GRIK1: variants seen among roughly 807,000 people sequenced by gnomAD.
GRIK1 encodes glutamate ionotropic receptor kainate type subunit 1, also known as glutamate receptor ionotropic, kainate 1.
A neutral mutation model predicts 105.7 loss-of-function variants in GRIK1; 69 were observed. The ratio of observed to expected loss-of-function variants is 0.65; its 90% CI spans 0.54 to 0.80. The LOEUF (loss-of-function observed/expected upper bound fraction) is 0.80, where lower values mean the gene tolerates loss of function less well. GRIK1 is among the 30% of genes least tolerant of loss of function. The pLI is 0.00. For missense variants in GRIK1, 1,109 were observed against 1,167.3 expected, an observed-to-expected ratio of 0.95 and a Z score of 0.73; for synonymous variants, 438 against 431.3, an observed-to-expected ratio of 1.02 and a Z score of -0.19.
At chr21:29,882,775 A>G (rs1352848539) in intron 1 of GRIK1, among the ~76,000 whole-genome samples, 1 of 152,084 alleles carries the variant, frequency 6.6e-6, no homozygotes, top group Admixed American at 6.6e-5. Context: ...GTTTGTTTCT[A>G]TTTCTCCACA....
At chr21:29,912,452 T>A (rs1036706803) in intron 1 of GRIK1, among the ~76,000 whole-genome samples, 17 of 151,982 alleles carry the variant, frequency 1.1e-4, no homozygotes, top group Non-Finnish European at 4.4e-5. Flanking sequence ...ATACTCTTAG[T>A]CTGGAAGAAA....
chr21:29,782,252 A>G (rs2066140353), intron 1 of GRIK1, among the ~76,000 whole-genome samples: 1 of 150,862 alleles, frequency 6.6e-6, no homozygotes, highest in Non-Finnish European at 1.5e-5. Flanking sequence ...AAGCCTGGCT[A>G]ATTTTTTGTA....
chr21:29,904,044 T>C (rs2070511898), intron 1 of GRIK1, among the ~76,000 whole-genome samples: 1 of 152,166 alleles, frequency 6.6e-6, no homozygotes, highest in Non-Finnish European at 1.5e-5. Context: ...AAACACTGCA[T>C]GTTCTCACTC....
At chr21:29,883,717 T>A (rs1235098182) in intron 1 of GRIK1, among the ~76,000 whole-genome samples, 1 of 151,996 alleles carries the variant, frequency 6.6e-6, no homozygotes, top group East Asian at 1.9e-4. Flanking sequence ...TGGTTTACAA[T>A]GATAGTTTAA....
intron 1 of GRIK1, among the ~76,000 whole-genome samples, chr21:29,906,026 G>A (rs2070627347): frequency 6.6e-6 from 1 of 151,808 alleles, no homozygotes; most frequent in African/African-American, 2.4e-5. Flanking sequence ...TAATTTTTTT[G>A]AAGCAGATTT....
At chr21:29,901,203 T>C (rs1373011934) in intron 1 of GRIK1, among the ~76,000 whole-genome samples, 1 of 151,938 alleles carries the variant, frequency 6.6e-6, no homozygotes, top group Admixed American at 6.6e-5. Flanking sequence ...GCAGGAGAGA[T>C]CTAAAATTGA....
At chr21:29,854,740 A>G (rs1316488001) in intron 1 of GRIK1, among the ~76,000 whole-genome samples, 1 of 152,154 alleles carries the variant, frequency 6.6e-6, no homozygotes, top group Non-Finnish European at 1.5e-5. Context: ...TGGTTCAAGG[A>G]TCCGGGGAGT....
intron 1 of GRIK1, among the ~76,000 whole-genome samples, chr21:29,876,215 A>G (rs753065213): frequency 2.0e-4 from 30 of 151,906 alleles, no homozygotes; most frequent in Non-Finnish European, 3.4e-4. Flanking sequence ...TTTTTAATAT[A>G]AAAATATTGT....
At chr21:29,715,820 C>A (rs145228696) in intron 1 of GRIK1, among the ~76,000 whole-genome samples, 2 of 151,870 alleles carry the variant, frequency 1.3e-5, no homozygotes, top group African/African-American at 4.8e-5. Flanking sequence ...AAATGTCAAG[C>A]ACAATGTTAA....
intron 1 of GRIK1, among the ~76,000 whole-genome samples, chr21:29,711,355 G>T (rs1195986612): frequency 6.6e-6 from 1 of 152,166 alleles, no homozygotes; most frequent in African/African-American, 2.4e-5. Flanking sequence ...CAGCCTAGGA[G>T]CAGTAGGCTA....
At chr21:29,601,327 C>A in intron 7 of GRIK1, 1 of 424,170 alleles carries the variant, frequency 2.4e-6, no homozygotes. Flanking sequence ...CTTACACCAG[C>A]CAGCTTTCCA....
At chr21:29,703,266 G>T (rs904553451) in intron 1 of GRIK1, among the ~76,000 whole-genome samples, 3 of 152,186 alleles carry the variant, frequency 2.0e-5, no homozygotes, top group Non-Finnish European at 4.4e-5. Flanking sequence ...GGTCATCCAG[G>T]AAGAAAGGTA....
In GRIK1 at chr21:29,708,712, G is replaced by A. The variant is rs541978166; in HGVS notation, c.119-14649C>T. On this transcript the variant is annotated intron_variant, in intron 1 of 17. Transcript: ENST00000327783. ...AGTGACTGCTCTTTCAGCCTGGGAC[G>A]TTGGAGCAGAGCCTGCAACAGACTC... Among the ~76,000 whole-genome samples, 10 of 152,168 alleles carry A rather than the reference G, an allele frequency of 6.6e-5. No individual in the cohort carries two copies. In the South Asian group the frequency reaches 8.3e-4, roughly 13 times the overall value.
intron 1 of GRIK1, among the ~76,000 whole-genome samples, chr21:29,894,993 GCAA>G (rs2070075728): frequency 6.6e-6 from 1 of 152,184 alleles, no homozygotes; most frequent in Non-Finnish European, 1.5e-5. Flanking sequence ...GGAAAAGACT[GCAA>G]GCAAATATTC....
intron 7 of GRIK1, among the ~76,000 whole-genome samples, chr21:29,626,421 C>G (rs1044159186): frequency 6.6e-6 from 1 of 152,092 alleles, no homozygotes; most frequent in Non-Finnish European, 1.5e-5. Context: ...ATCGTAACAT[C>G]CAGGGTGAAC....
At position 29,555,118 on chromosome 21, in the gene GRIK1, G is replaced by A; in HGVS notation, c.2541C>T (p.Val847=). The change falls in exon 16 of 18, where the codon GTC becomes GTT. Residue 847 remains valine (V), a synonymous_variant. Transcript: ENST00000327783. ...CTCCAATAGCTACAAATACAGAAAGGACCAGTCCGGCAGCCAGAACAATGA... is the reference window on the plus strand; with the variant it reads ...CTCCAATAGCTACAAATACAGAAAGAACCAGTCCGGCAGCCAGAACAATGA... The part of the protein sequence containing the change: ...GIFIVLAAGL[V]LSVFVAIGEF... 2 of 1,612,594 alleles carry A rather than the reference G, an allele frequency of 1.2e-6. No individual in the cohort carries two copies. The highest frequency in any genetic ancestry group is 2.2e-5 in the South Asian group (2 of 91,058).
At chr21:29,761,753 C>CTTTTT (rs57193884) in intron 1 of GRIK1, among the ~76,000 whole-genome samples, 1 of 138,562 alleles carries the variant, frequency 7.2e-6, no homozygotes, top group Non-Finnish European at 1.5e-5. Context: ...TTCTTTCGTT[C>CTTTTT]TTTTTTTTTT....
chr21:29,878,046 G>A (rs1477325113), intron 1 of GRIK1, among the ~76,000 whole-genome samples: 2 of 152,150 alleles, frequency 1.3e-5, no homozygotes, highest in African/African-American at 2.4e-5. Context: ...ATTTGAAAAA[G>A]GTCCTTAGGA....
chr21:29,895,493 T>C (rs994722036), intron 1 of GRIK1, among the ~76,000 whole-genome samples: 1 of 152,188 alleles, frequency 6.6e-6, no homozygotes, highest in Admixed American at 6.5e-5. Flanking sequence ...TTTTTAATGG[T>C]TACAAAATCA....
Sources: allele counts gnomAD v4.1 joint callset (sites outside exome capture counted in the v4.1 genomes callset), GRCh38; gene constraint gnomAD v4.1.1; transcripts MANE v1.5; gene names NCBI Gene and HGNC (gene_info 2026-07-23, HGNC 2026-07-21).